Variants in MIPOL1 observed in about 807,000 individuals in gnomAD.
MIPOL1 encodes mirror-image polydactyly 1.
Under a neutral mutation model 60.9 loss-of-function variants are expected in MIPOL1, and 57 were observed. The ratio of observed to expected loss-of-function variants is 0.94; its 90% CI spans 0.76 to 1.17. The LOEUF is 1.17. Ranked by LOEUF, MIPOL1 falls within the 50% of genes most tolerant of loss-of-function variation. The pLI, the probability that MIPOL1 is intolerant of heterozygous loss-of-function variation, is 0.00. For synonymous variants in MIPOL1, 179 were observed against 168.8 expected, an observed-to-expected ratio of 1.06 and a Z score of -0.47; for missense variants, 551 against 511.6, an observed-to-expected ratio of 1.08 and a Z score of -0.74.
At chr14:37,220,867 C>T (rs867334131) in intron 1 of MIPOL1, among the ~76,000 whole-genome samples, 18 of 152,236 alleles carry the variant, frequency 1.2e-4, no homozygotes, top group African/African-American at 4.3e-4. Context: ...CCTCGAACTC[C>T]TTGTCTGAAG....
At chr14:37,233,996 T>C (rs1971036017) in intron 1 of MIPOL1, among the ~76,000 whole-genome samples, 1 of 152,218 alleles carries the variant, frequency 6.6e-6, no homozygotes, top group Non-Finnish European at 1.5e-5. Flanking sequence ...ATCATACTGG[T>C]ATAAAACCAT....
intron 10 of MIPOL1, among the ~76,000 whole-genome samples, chr14:37,395,805 G>A (rs900792107): frequency 1.4e-4 from 22 of 152,118 alleles, no homozygotes; most frequent in African/African-American, 4.3e-4. Context: ...CTGAAGAAGA[G>A]TGGTGAGAAT....
chr14:37,204,186 T>A (rs1965734250), intron 1 of MIPOL1, among the ~76,000 whole-genome samples: 1 of 152,094 alleles, frequency 6.6e-6, no homozygotes, highest in Non-Finnish European at 1.5e-5. Flanking sequence ...ACACTTCGAT[T>A]CCAGCCTTTT....
chr14:37,497,839 C>T (rs1256900211), intron 11 of MIPOL1, among the ~76,000 whole-genome samples: 2 of 152,134 alleles, frequency 1.3e-5, no homozygotes, highest in African/African-American at 2.4e-5. Flanking sequence ...CAAATTGGTA[C>T]AACTAATTTG....
chr14:37,261,482 A>G (rs2082516380), intron 3 of MIPOL1, among the ~76,000 whole-genome samples: 1 of 152,080 alleles, frequency 6.6e-6, no homozygotes, highest in Non-Finnish European at 1.5e-5. Flanking sequence ...GAAATTGAGA[A>G]AATTTAAAAT....
chr14:37,257,864 T>C lies in MIPOL1; in HGVS notation c.20-9074T>C, dbSNP rs542006348. Among the ~76,000 whole-genome samples, 9 of 152,296 alleles carry C rather than the reference T, an allele frequency of 5.9e-5. No homozygotes were observed. In the East Asian group the frequency reaches 1.5e-3, roughly 26 times the overall value. On this transcript the variant is annotated intron_variant, in intron 3 of 12. Transcript: ENST00000684589. ...TTCTTGTTTGCTTTGTTGAGTCTGC[T>C]GACGAATACTAATAAATGCCTGCAA...
At chr14:37,431,610 G>A (rs1300186317) in intron 11 of MIPOL1, among the ~76,000 whole-genome samples, 3 of 93,222 alleles carry the variant, frequency 3.2e-5, no homozygotes, top group Admixed American at 3.7e-4. Flanking sequence ...ACAGAGTCTT[G>A]CTCTGTCGCC....
At chr14:37,343,951 A>G (rs998311402) in intron 9 of MIPOL1, among the ~76,000 whole-genome samples, 2 of 152,120 alleles carry the variant, frequency 1.3e-5, no homozygotes, top group African/African-American at 4.8e-5. Flanking sequence ...GCCTGCTGCA[A>G]TGTTCCATCT....
chr14:37,463,136 T>C (rs987482564), intron 11 of MIPOL1, among the ~76,000 whole-genome samples: 2 of 152,172 alleles, frequency 1.3e-5, no homozygotes, highest in Admixed American at 1.3e-4. Flanking sequence ...CTCACAATCA[T>C]GGCAGAAGGC....
rs1040388595 is a variant in MIPOL1 at position 37,285,468 on chromosome 14, C to G, written c.623+21C>G. The G allele has an allele frequency of 1.1e-5, 17 of 1,607,246 alleles. No homozygotes were observed. In the Admixed American group the frequency reaches 1.9e-4, roughly 18 times the overall value. The stretch of plus-strand genomic sequence containing the variant: ...AAAGTGTATGTACACATTTAAAACT[C>G]AGTATGATATTAGGAACACTTATAA... On this transcript the variant is annotated intron_variant, in intron 7 of 12. Transcript: ENST00000684589.
intron 12 of MIPOL1, among the ~76,000 whole-genome samples, chr14:37,518,120 C>A (rs2095384309): frequency 1.3e-5 from 2 of 152,040 alleles, no homozygotes; most frequent in Admixed American, 1.3e-4. Flanking sequence ...ATTCTAAGAA[C>A]AGAAATACAT....
At chr14:37,515,502 C>T (rs1386294010) in intron 12 of MIPOL1, among the ~76,000 whole-genome samples, 1 of 152,068 alleles carries the variant, frequency 6.6e-6, no homozygotes, top group Non-Finnish European at 1.5e-5. Context: ...TTTAGTTTTT[C>T]GTTTGCCTCA....
At chr14:37,311,125 T>C (rs940950937) in intron 9 of MIPOL1, among the ~76,000 whole-genome samples, 1 of 152,130 alleles carries the variant, frequency 6.6e-6, no homozygotes, top group African/African-American at 2.4e-5. Flanking sequence ...CAGTCCTTCC[T>C]CTCCAGTTAA....
At chr14:37,451,501 T>A (rs191972204) in intron 11 of MIPOL1, among the ~76,000 whole-genome samples, 95 of 152,284 alleles carry the variant, frequency 6.2e-4, no homozygotes, top group African/African-American at 2.1e-3. Flanking sequence ...GGACAACACA[T>A]TCACATGCCA....
At chr14:37,319,893 G>GTT (rs2088371954) in intron 9 of MIPOL1, among the ~76,000 whole-genome samples, 1 of 152,052 alleles carries the variant, frequency 6.6e-6, no homozygotes, top group Non-Finnish European at 1.5e-5. Context: ...TATAAAAGGA[G>GTT]TCATATGTTA....
chr14:37,254,034 A>G (rs1974522990), intron 3 of MIPOL1, among the ~76,000 whole-genome samples: 1 of 151,732 alleles, frequency 6.6e-6, no homozygotes, highest in Non-Finnish European at 1.5e-5. Flanking sequence ...ACCTAGCTTA[A>G]TAGAGTGCTA....
intron 12 of MIPOL1, among the ~76,000 whole-genome samples, chr14:37,514,812 G>A (rs1027502212): frequency 2.0e-5 from 3 of 151,808 alleles, no homozygotes; most frequent in Non-Finnish European, 4.4e-5. Flanking sequence ...GTAGAGACGG[G>A]GTTTCTCCAT....
chr14:37,364,908 T>G (rs547642483), intron 9 of MIPOL1, among the ~76,000 whole-genome samples: 2 of 152,254 alleles, frequency 1.3e-5, no homozygotes, highest in African/African-American at 4.8e-5. Context: ...GTCATCAGTG[T>G]TTTATAGTTT....
At chr14:37,266,074 T>C (rs1164879937) in intron 3 of MIPOL1, among the ~76,000 whole-genome samples, 1 of 152,116 alleles carries the variant, frequency 6.6e-6, no homozygotes, top group East Asian at 1.9e-4. Context: ...TTATAATTAC[T>C]AAGACCCAGG....
Sources: allele counts gnomAD v4.1 joint callset (sites outside exome capture counted in the v4.1 genomes callset), GRCh38; gene constraint gnomAD v4.1.1; transcripts MANE v1.5; gene names NCBI Gene and HGNC (gene_info 2026-07-23, HGNC 2026-07-21).